The following KCND2 variants were observed in gnomAD, a reference collection of about 807,000 sequenced individuals.
KCND2 encodes the protein potassium voltage-gated channel subfamily D member 2, also known as A-type voltage-gated potassium channel KCND2.
KCND2 carries 16 observed loss-of-function variants against 54.4 expected under a neutral mutation model. The ratio of observed to expected loss-of-function variants is 0.29; its 90% CI spans 0.20 to 0.45. The LOEUF (loss-of-function observed/expected upper bound fraction) is 0.45, where lower values mean the gene tolerates loss of function less well. KCND2 is among the 20% of genes least tolerant of loss of function. KCND2 has a pLI of 1.00. For missense variants in KCND2, 486 were observed against 824.2 expected, an observed-to-expected ratio of 0.59 and a Z score of 5.02; for synonymous variants, 317 against 310.7, an observed-to-expected ratio of 1.02 and a Z score of -0.21.
At chr7:120,379,290 G>T (rs1489342686) in intron 1 of KCND2, among the ~76,000 whole-genome samples, 1 of 151,978 alleles carries the variant, frequency 6.6e-6, no homozygotes, top group African/African-American at 2.4e-5. Flanking sequence ...AATAACATAT[G>T]TCAGGGAAAT....
chr7:120,387,301 T>G (rs1801004236), intron 1 of KCND2, among the ~76,000 whole-genome samples: 1 of 152,030 alleles, frequency 6.6e-6, no homozygotes, highest in Non-Finnish European at 1.5e-5. Context: ...TATTTTGGTA[T>G]AAATCAAAAT....
intron 1 of KCND2, among the ~76,000 whole-genome samples, chr7:120,619,347 G>C (rs1404332730): frequency 6.6e-6 from 1 of 152,240 alleles, no homozygotes; most frequent in Non-Finnish European, 1.5e-5. Flanking sequence ...GGGAGGCAGA[G>C]GCTGCAGTGA....
intron 1 of KCND2, among the ~76,000 whole-genome samples, chr7:120,337,691 G>A (rs1435746724): frequency 6.6e-6 from 1 of 152,122 alleles, no homozygotes; most frequent in East Asian, 1.9e-4. Flanking sequence ...AATAACATGT[G>A]CATATAATGA....
intron 1 of KCND2, among the ~76,000 whole-genome samples, chr7:120,578,871 T>C (rs754811044): frequency 6.6e-6 from 1 of 151,066 alleles, no homozygotes; most frequent in Admixed American, 6.6e-5. Context: ...CCAAGATTGA[T>C]TGCGCCACTG....
chr7:120,681,558 A>G (rs1387123052), intron 1 of KCND2, among the ~76,000 whole-genome samples: 2 of 151,958 alleles, frequency 1.3e-5, no homozygotes, highest in Non-Finnish European at 2.9e-5. Context: ...CCATATATAT[A>G]TATATTCACC....
intron 1 of KCND2, among the ~76,000 whole-genome samples, chr7:120,517,120 T>A (rs1343888227): frequency 6.6e-5 from 10 of 152,144 alleles, no homozygotes; most frequent in Non-Finnish European, 1.5e-4. Context: ...ATGCAATTAC[T>A]TTTATTAAAG....
intron 1 of KCND2, among the ~76,000 whole-genome samples, chr7:120,605,764 T>G (rs887519193): frequency 6.6e-6 from 1 of 152,238 alleles, no homozygotes; most frequent in Admixed American, 6.5e-5. Flanking sequence ...GTCATCCTAG[T>G]GGATGTGAAG....
intron 1 of KCND2, among the ~76,000 whole-genome samples, chr7:120,536,988 G>A (rs906709487): frequency 2.0e-5 from 3 of 151,950 alleles, no homozygotes; most frequent in African/African-American, 7.3e-5. Flanking sequence ...AATCATGAAT[G>A]TGCTTAATGG....
At chr7:120,482,929 C>G (rs1802627771) in intron 1 of KCND2, among the ~76,000 whole-genome samples, 1 of 152,112 alleles carries the variant, frequency 6.6e-6, no homozygotes, top group African/African-American at 2.4e-5. Flanking sequence ...ACTCATGACC[C>G]TACTATTGAC....
chr7:120,663,431 A>G (rs1355654648), intron 1 of KCND2, among the ~76,000 whole-genome samples: 1 of 152,208 alleles, frequency 6.6e-6, no homozygotes, highest in Non-Finnish European at 1.5e-5. Context: ...TTCCAATTTT[A>G]TGATGGTTTT....
chr7:120,335,444 T>A (rs1563013298), intron 1 of KCND2, among the ~76,000 whole-genome samples: 1 of 134,618 alleles, frequency 7.4e-6, no homozygotes, highest in Non-Finnish European at 1.5e-5. Context: ...GCTTTATTTA[T>A]TTATTTATTT....
chr7:120,292,564 C>T (rs1799450678), intron 1 of KCND2, among the ~76,000 whole-genome samples: 1 of 151,818 alleles, frequency 6.6e-6, no homozygotes, highest in Non-Finnish European at 1.5e-5. Flanking sequence ...TCTCTTTCTA[C>T]TGTATTTTCT....
At chr7:120,367,067 G>A (rs978775941) in intron 1 of KCND2, among the ~76,000 whole-genome samples, 1 of 152,082 alleles carries the variant, frequency 6.6e-6, no homozygotes, top group African/African-American at 2.4e-5. Context: ...GCTATTGCAT[G>A]CATATTATGT....
chr7:120,279,529 T>C (rs1799229669), intron 1 of KCND2, among the ~76,000 whole-genome samples: 2 of 152,010 alleles, frequency 1.3e-5, no homozygotes, highest in South Asian at 2.1e-4. Flanking sequence ...ATTTTAACGA[T>C]ATAAATTATA....
chr7:120,345,970 C>G (rs1302314415), intron 1 of KCND2, among the ~76,000 whole-genome samples: 2 of 152,110 alleles, frequency 1.3e-5, no homozygotes, highest in Non-Finnish European at 2.9e-5. Context: ...AGCAACAGAA[C>G]AGAGTTCTGG....
rs543708506 is a variant in KCND2, at chr7:120,424,261, C to T, written c.1115+148514C>T. 8.5e-5 allele frequency among the ~76,000 whole-genome samples: 13 copies of T among 152,182 alleles called. No homozygotes were observed. The South Asian group carries it at 2.5e-3, about 29-fold the overall frequency. On this transcript the variant is annotated intron_variant, in intron 1 of 5. Transcript: ENST00000331113. ...ACTGTTGGGTCTGTGATCCTGGGCA[C>T]GCTAATAATGTCTGTAGTAAGATTA...
At chr7:120,312,047 G>A (rs1337852976) in intron 1 of KCND2, among the ~76,000 whole-genome samples, 1 of 152,120 alleles carries the variant, frequency 6.6e-6, no homozygotes, top group African/African-American at 2.4e-5. Flanking sequence ...TGGGATAACA[G>A]GCATGCAACA....
chr7:120,690,254 T>C (rs904806310), intron 1 of KCND2, among the ~76,000 whole-genome samples: 1 of 152,204 alleles, frequency 6.6e-6, no homozygotes, highest in Admixed American at 6.5e-5. Flanking sequence ...AAAAATACCT[T>C]CTTTAGAATG....
chr7:120,523,517 C>T (rs1365475854), intron 1 of KCND2, among the ~76,000 whole-genome samples: 1 of 149,570 alleles, frequency 6.7e-6, no homozygotes, highest in East Asian at 2.0e-4. Context: ...ACAAGTTTAA[C>T]ATTTTGAAAC....
Sources: allele counts gnomAD v4.1 joint callset (sites outside exome capture counted in the v4.1 genomes callset), GRCh38; gene constraint gnomAD v4.1.1; transcripts MANE v1.5; gene names NCBI Gene and HGNC (gene_info 2026-07-23, HGNC 2026-07-21).